Variants in ZNF839 observed in about 807,000 individuals in gnomAD.
ZNF839 encodes the protein zinc finger protein 839, also known as renal carcinoma antigen NY-REN-50.
ZNF839 carries 38 observed loss-of-function variants against 56.4 expected under a neutral mutation model. That is an observed-to-expected ratio of 0.67 (90% CI 0.52 to 0.88). The LOEUF (loss-of-function observed/expected upper bound fraction) is 0.88, where lower values mean the gene tolerates loss of function less well. ZNF839 is among the 40% of genes least tolerant of loss of function. The pLI, the probability that ZNF839 is intolerant of heterozygous loss-of-function variation, is 0.00. For missense variants in ZNF839, 1,091 were observed against 1,177.6 expected (o/e 0.93, Z 1.08); for synonymous variants, 486 against 493.5 (o/e 0.98, Z 0.20).
At chr14:102,329,163 G>T (rs1319901315) in intron 2 of ZNF839, among the ~76,000 whole-genome samples, 1 of 151,880 alleles carries the variant, frequency 6.6e-6, no homozygotes, top group African/African-American at 2.4e-5. Context: ...TAGAGATGGG[G>T]TTTCACCATG....
chr14:102,340,574 C>CT (rs1274806055), intron 7 of ZNF839, among the ~76,000 whole-genome samples: 1 of 152,094 alleles, frequency 6.6e-6, no homozygotes, highest in East Asian at 1.9e-4. Flanking sequence ...CGTGCCCAGC[C>CT]TGATGGTGAT....
chr14:102,325,455 G>A (rs960234187), intron 1 of ZNF839, among the ~76,000 whole-genome samples: 4 of 151,846 alleles, frequency 2.6e-5, no homozygotes, highest in South Asian at 2.1e-4. Flanking sequence ...TTATATACAC[G>A]TGTACTAGGT....
At chr14:102,321,810 G>A (rs2073141639) in intron 1 of ZNF839, among the ~76,000 whole-genome samples, 1 of 152,138 alleles carries the variant, frequency 6.6e-6, no homozygotes, top group Non-Finnish European at 1.5e-5. Flanking sequence ...GATTTGAAAG[G>A]GTGCGTCTGA....
chr14:102,328,826 C>A (rs564127310), intron 2 of ZNF839, among the ~76,000 whole-genome samples: 1 of 152,150 alleles, frequency 6.6e-6, no homozygotes, highest in Non-Finnish European at 1.5e-5. Flanking sequence ...CTCTGTAAGA[C>A]TGAGTAATAT....
chr14:102,336,663 G>T (rs1351766479), intron 5 of ZNF839: 5 of 431,162 alleles, frequency 1.2e-5, no homozygotes, highest in South Asian at 5.1e-5. Context: ...TAAGCTAGAA[G>T]AAAATGGAAA....
intron 1 of ZNF839, among the ~76,000 whole-genome samples, chr14:102,322,027 G>A (rs1338423144): frequency 1.3e-5 from 2 of 151,996 alleles, no homozygotes; most frequent in East Asian, 1.9e-4. Context: ...CATCCAACAT[G>A]CTGTGCCCCT....
intron 1 of ZNF839, among the ~76,000 whole-genome samples, chr14:102,324,820 C>T (rs1188751011): frequency 2.6e-5 from 4 of 151,480 alleles, no homozygotes; most frequent in Non-Finnish European, 5.9e-5. Context: ...CGTGGTGGTA[C>T]GTGCCTGTAA....
Position 102,342,221 on chromosome 14 carries a change from G to C in ZNF839, c.*42G>C. On this transcript the variant is annotated 3_prime_UTR_variant, in exon 8 of 8. Transcript: ENST00000442396. ...AGCTGTGGAGTCGGTCGTCACCGTG[G>C]AGCCAGAGCCCTCACAGTGAAGTGG... 1 of 698,994 alleles carries C rather than the reference G, an allele frequency of 1.4e-6. No individual in the cohort carries two copies. The highest frequency in any genetic ancestry group is 2.1e-6 in the Non-Finnish European group (1 of 473,136). 43.3% of individuals were successfully genotyped at this position (698,994 alleles called of 1,614,324 possible).
rs767918572 is a variant in ZNF839, at chr14:102,326,880, G to A, written c.1184G>A (p.Gly395Asp). The change falls in exon 2 of 8, where the codon GGC becomes GAC. Residue 395 changes from glycine (G) to aspartate (D), a missense_variant. Around this residue, in one of 3 missense-constraint regions of ZNF839, gnomAD observed 614 missense variants for 629.2 expected, o/e 0.98. Coordinates refer to ENST00000442396, the MANE Select transcript of ZNF839 (RefSeq NM_018335.6). The surrounding 1 kb of genome is among the most constrained non-coding windows in gnomAD (Gnocchi z 4.3). ...SCLVTESARG[G>D]LQNGQSVDVE... ...TTGGTGACAGAGTCAGCACGCGGTGGCCTGCAGGTAATGTTTCTGTCTGGG... is the reference window on the plus strand; with the variant it reads ...TTGGTGACAGAGTCAGCACGCGGTGACCTGCAGGTAATGTTTCTGTCTGGG... The A allele has an allele frequency of 1.4e-4, 218 of 1,593,944 alleles. No individual in the cohort carries two copies. Among genetic ancestry groups the A allele is most frequent in the Non-Finnish European group, 1.8e-4 (212 of 1,167,644 alleles).
intron 7 of ZNF839, among the ~76,000 whole-genome samples, chr14:102,339,579 T>G (rs190606786): frequency 6.6e-6 from 1 of 152,244 alleles, no homozygotes; most frequent in East Asian, 1.9e-4. Flanking sequence ...ACCCCGTCTC[T>G]ACTAAAAATA....
Position 102,326,927 on chromosome 14 carries a change from G to T in ZNF839, c.1191+40G>T. On this transcript the variant is annotated intron_variant, in intron 2 of 7. Transcript: ENST00000442396. This position sits in a 1 kb window ranked among gnomAD's most constrained non-coding sequence, Gnocchi z 4.3. ...TGGGTATGTGTCTTTTTATTTGGCCGTTCTCGGATTGCTATAAAGAAATAC... is the reference window on the plus strand; with the variant it reads ...TGGGTATGTGTCTTTTTATTTGGCCTTTCTCGGATTGCTATAAAGAAATAC... 3 of 1,518,628 alleles carry T rather than the reference G, an allele frequency of 2.0e-6. No homozygotes were observed. Among genetic ancestry groups the T allele is most frequent in the Non-Finnish European group, 2.6e-6 (3 of 1,133,684 alleles). The allele number at this position is 1,518,628 out of a possible 1,614,324, so 94.1% of individuals were successfully genotyped here.
rs750184606 is a variant in ZNF839 at position 102,341,332 on chromosome 14, C to T, written c.1937C>T (p.Pro646Leu). Residue 646 changes from proline (P) to leucine (L), a missense_variant, in exon 8 of 8, where the codon CCT (proline) becomes CTT (leucine). Around this residue, in one of 3 missense-constraint regions of ZNF839, gnomAD observed 431 missense variants for 468.0 expected, o/e 0.92. Coordinates refer to ENST00000442396, the MANE Select transcript of ZNF839 (RefSeq NM_018335.6). ...TTCCCAAAATGTTTAGGTTTTTCCCCTCCAGTAAATGTGACTGTCTCTCCC... is the reference window on the plus strand; with the variant it reads ...TTCCCAAAATGTTTAGGTTTTTCCCTTCCAGTAAATGTGACTGTCTCTCCC... ...PLHALAAGFSPPVNVTVSPRS... is the reference protein window; with the variant it reads ...PLHALAAGFSLPVNVTVSPRS... The T allele has an allele frequency of 7.2e-6, 11 of 1,518,364 alleles. No homozygotes were observed. In the African/African-American group the frequency reaches 8.4e-5, roughly 12 times the overall value. The allele number at this position is 1,518,364 out of a possible 1,614,324, so 94.1% of individuals were successfully genotyped here.
chr14:102,323,788 G>A lies in ZNF839; in HGVS notation c.289-2197G>A, dbSNP rs141783044. Among the ~76,000 whole-genome samples, 115 of 152,332 alleles carry A rather than the reference G, an allele frequency of 7.5e-4. 1 individual carries two copies. Among genetic ancestry groups the A allele is most frequent in the African/African-American group, 2.6e-3 (110 of 41,580 alleles). Reference sequence around the variant, plus strand: ...CACATGTATACACATACATCGTGAAGATTCAGAGCAGAACTTAGGAACAGA... The same window carrying A: ...CACATGTATACACATACATCGTGAAAATTCAGAGCAGAACTTAGGAACAGA... On this transcript the variant is annotated intron_variant, in intron 1 of 7. Transcript: ENST00000442396.
chr14:102,335,730 A>G lies in ZNF839; in HGVS notation c.1551A>G (p.Ile517Met), dbSNP rs954515277. 2 of 1,599,950 alleles carry G rather than the reference A, an allele frequency of 1.3e-6. No homozygotes were observed. The highest frequency in any genetic ancestry group is 1.3e-5 in the African/African-American group (1 of 74,888). Reference sequence around the variant, plus strand: ...TAGCAAAGCCTTTTTTCCCAGCTATATATAAGGAATTTGAAGAGTTGCATA... The same window carrying G: ...TAGCAAAGCCTTTTTTCCCAGCTATGTATAAGGAATTTGAAGAGTTGCATA... ...DHLAKPFFPAIYKEFEELHKM... is the reference protein window; with the variant it reads ...DHLAKPFFPAMYKEFEELHKM... Residue 517 changes from isoleucine (I) to methionine (M), a missense_variant, in exon 5 of 8, where the codon ATA becomes ATG. Transcript: ENST00000442396.
chr14:102,341,516 T>C lies in ZNF839; in HGVS notation c.2121T>C (p.Ala707=). ...ATGTCAGTGGGCTGCCTGTTTATGC[T>C]CAGTCAGGAGAGCCTAGGAGGCTGA... The part of the protein sequence containing the change: ...SRDVSGLPVY[A]QSGEPRRLTQ... Residue 707 remains alanine (A), a synonymous_variant, in exon 8 of 8, where the codon GCT becomes GCC. Coordinates refer to ENST00000442396, the MANE Select transcript of ZNF839 (RefSeq NM_018335.6). 6.2e-7 allele frequency: 1 copy of C among 1,604,232 alleles called. No homozygotes were observed. Among genetic ancestry groups the C allele is most frequent in the Non-Finnish European group, 8.5e-7 (1 of 1,174,208 alleles).
Position 102,331,780 on chromosome 14 carries a change from G to T in ZNF839, c.1350G>T (p.Gln450His). The T allele has an allele frequency of 6.3e-7, 1 of 1,598,712 alleles. No homozygotes were observed. ...TCCTCCAGCAGAGAAGAGCTGCTCA[G>T]CTACCTGGTGGCCCTGCTGCGGCAG... ...TAVLQQRRAA[Q>H]LPGGPAAAGE... Residue 450 changes from glutamine to histidine, a missense_variant, in exon 3 of 8, where the codon CAG becomes CAT. Physicochemically the swap from Gln to His is conservative, Grantham distance 24 (BLOSUM62 0). Transcript: ENST00000442396.
intron 4 of ZNF839, 123 bp downstream of exon 4, chr14:102,334,769 G>T (rs956043579): frequency 2.2e-6 from 1 of 460,158 alleles, no homozygotes; most frequent in Non-Finnish European, 3.4e-6. Flanking sequence ...TTTGAGACAG[G>T]GTCTTGCTCT....
Position 102,342,359 on chromosome 14 carries a change from T to C in ZNF839, c.*180T>C. On this transcript the variant is annotated 3_prime_UTR_variant, in exon 8 of 8. Coordinates refer to ENST00000442396, the MANE Select transcript of ZNF839 (RefSeq NM_018335.6). Reference sequence around the variant, plus strand: ...AACCTTTTATTTATAAAGAATAATGTCTTTCTGCCCTGCTGTCTACATTTT... The same window carrying C: ...AACCTTTTATTTATAAAGAATAATGCCTTTCTGCCCTGCTGTCTACATTTT... 1.4e-6 allele frequency: 1 copy of C among 705,764 alleles called. No homozygotes were observed. The highest frequency in any genetic ancestry group is 2.2e-6 in the Non-Finnish European group (1 of 453,180). The allele number at this position is 705,764 out of a possible 1,614,324, so 43.7% of individuals were successfully genotyped here. A position where few individuals can be genotyped will look rare whatever the true frequency, so the allele number is the denominator to read the frequency against.
chr14:102,336,494 C>T (rs1057076694), intron 5 of ZNF839: 13 of 274,922 alleles, frequency 4.7e-5, no homozygotes, highest in Admixed American at 1.0e-4. Flanking sequence ...AGGGTTTCAC[C>T]GTGTTGCCCA....
Sources: allele counts gnomAD v4.1 joint callset (sites outside exome capture counted in the v4.1 genomes callset), GRCh38; gene constraint gnomAD v4.1.1; regional missense constraint gnomAD v4.1.1; non-coding constraint Gnocchi (gnomAD v3.1); transcripts MANE v1.5; gene names NCBI Gene and HGNC (gene_info 2026-07-23, HGNC 2026-07-21).